CTNNAL1: variants seen among roughly 807,000 people sequenced by gnomAD.
CTNNAL1 encodes the protein catenin alpha like 1, also known as alpha-catulin.
CTNNAL1 carries 69 observed loss-of-function variants against 93.6 expected under a neutral mutation model. That is an observed-to-expected ratio of 0.74 (90% CI 0.61 to 0.90). The LOEUF is 0.90. Among genes scored for constraint, CTNNAL1 ranks in the 40% least tolerant of loss-of-function variants. CTNNAL1 has a pLI of 0.00. For synonymous variants in CTNNAL1, 286 were observed against 305.4 expected, an observed-to-expected ratio of 0.94 and a Z score of 0.66; for missense variants, 836 against 862.0, an observed-to-expected ratio of 0.97 and a Z score of 0.38.
At chr9:108,999,623 C>T (rs1826716223) in intron 1 of CTNNAL1, among the ~76,000 whole-genome samples, 1 of 152,222 alleles carries the variant, frequency 6.6e-6, no homozygotes, top group African/African-American at 2.4e-5. Context: ...ACTACGACTT[C>T]AGATGCTATG....
intron 14 of CTNNAL1, among the ~76,000 whole-genome samples, chr9:108,950,070 A>G (rs2132088904): frequency 6.6e-6 from 1 of 151,862 alleles, no homozygotes; most frequent in African/African-American, 2.4e-5. Flanking sequence ...TGAACCCTTC[A>G]TTTGGGAATA....
intron 11 of CTNNAL1, among the ~76,000 whole-genome samples, chr9:108,959,774 G>A (rs1457012789): frequency 6.6e-6 from 1 of 152,136 alleles, no homozygotes; most frequent in South Asian, 2.1e-4. Context: ...ACGAGGTATT[G>A]TATGTTTAAT....
chr9:108,952,681 G>T (rs1830597226), intron 12 of CTNNAL1, among the ~76,000 whole-genome samples, 187 bp from the exon 13 acceptor site: 1 of 152,172 alleles, frequency 6.6e-6, no homozygotes, highest in Admixed American at 6.5e-5. Context: ...TGAATAGGTT[G>T]TTAGTTTGAA....
chr9:108,954,042 T>C (rs1472039294), intron 12 of CTNNAL1, among the ~76,000 whole-genome samples: 2 of 152,226 alleles, frequency 1.3e-5, no homozygotes, highest in Admixed American at 6.5e-5. Flanking sequence ...CTTTTAAATA[T>C]AGTTGCATTT....
At chr9:108,960,770 C>A (rs1231017996) in intron 11 of CTNNAL1, among the ~76,000 whole-genome samples, 1 of 152,208 alleles carries the variant, frequency 6.6e-6, no homozygotes, top group Non-Finnish European at 1.5e-5. Context: ...TCTAAACTGA[C>A]ACATATTCAC....
chr9:108,991,924 T>C (rs1324939122), intron 3 of CTNNAL1: 12 of 643,510 alleles, frequency 1.9e-5, no homozygotes, highest in Non-Finnish European at 3.1e-5. Flanking sequence ...GATTAACTTC[T>C]GGACTGGAAG....
intron 4 of CTNNAL1, among the ~76,000 whole-genome samples, chr9:108,986,332 C>T (rs1831605943): frequency 6.7e-6 from 1 of 149,858 alleles, no homozygotes; most frequent in Admixed American, 6.7e-5. Flanking sequence ...CCAATTTCAT[C>T]CATGTCCCTA....
At chr9:108,974,904 G>A (rs900171885) in intron 8 of CTNNAL1, among the ~76,000 whole-genome samples, 9 of 152,118 alleles carry the variant, frequency 5.9e-5, no homozygotes, top group African/African-American at 2.2e-4. Context: ...TTAAGCCTGG[G>A]TGCAGTGGCT....
At chr9:108,962,049 G>A (rs1175302850) in intron 11 of CTNNAL1, among the ~76,000 whole-genome samples, 1 of 152,134 alleles carries the variant, frequency 6.6e-6, no homozygotes, top group Non-Finnish European at 1.5e-5. Context: ...TAGAGTATGG[G>A]TAGTTAATAA....
At chr9:108,970,057 A>G (rs1442362334) in intron 10 of CTNNAL1, among the ~76,000 whole-genome samples, 2 of 152,190 alleles carry the variant, frequency 1.3e-5, no homozygotes, top group African/African-American at 4.8e-5. Flanking sequence ...AATGTATTTG[A>G]ATCTTAGGTT....
intron 2 of CTNNAL1, among the ~76,000 whole-genome samples, chr9:108,993,838 C>T (rs1405825285): frequency 6.6e-6 from 1 of 152,196 alleles, no homozygotes; most frequent in Admixed American, 6.5e-5. Context: ...CTATTACATA[C>T]ACACAATAAT....
chr9:108,965,378 C>T lies in CTNNAL1; in HGVS notation c.1591G>A (p.Gly531Arg). Residue 531 changes from glycine to arginine, a missense_variant and splice_region_variant, in exon 11 of 19, where the codon GGA becomes AGA. Coordinates refer to ENST00000325551, the MANE Select transcript of CTNNAL1 (RefSeq NM_003798.4). ...TTTCATTATGTGGACAGTTTCTCACCTCGTCTTCCTTCAAACACGTCATTG... is the reference window on the plus strand; with the variant it reads ...TTTCATTATGTGGACAGTTTCTCACTTCGTCTTCCTTCAAACACGTCATTG... ...EINDVFEGRR[G>R]EKYGYLSLPK... is the part of the protein sequence containing the mutation. 2.1e-6 allele frequency: 3 copies of T among 1,452,650 alleles called. No individual in the cohort carries two copies. In the South Asian group the frequency reaches 4.6e-5, roughly 22 times the overall value. 90.0% of individuals were successfully genotyped at this position (1,452,650 alleles called of 1,614,324 possible). A position where few individuals can be genotyped will look rare whatever the true frequency, so the allele number is the denominator to read the frequency against.
chr9:109,001,172 CAAAAAAAAAAA>C (rs757020475), intron 1 of CTNNAL1, among the ~76,000 whole-genome samples: 2 of 56,800 alleles, frequency 3.5e-5, no homozygotes, highest in Non-Finnish European at 3.3e-5. Flanking sequence ...ACTCCATCTC[CAAAAAAAAAAA>C]AAAAAAAAAA....
Position 108,970,476 on chromosome 9 carries a change from G to A in CTNNAL1, c.1366C>T (p.His456Tyr), listed in dbSNP as rs972285189. The A allele has an allele frequency of 6.2e-7, 1 of 1,611,028 alleles. No homozygotes were observed. The highest frequency in any genetic ancestry group is 8.5e-7 in the Non-Finnish European group (1 of 1,178,826). Residue 456 changes from histidine to tyrosine, a missense_variant, in exon 10 of 19, where the codon CAC becomes TAC. Coordinates refer to ENST00000325551, the MANE Select transcript of CTNNAL1 (RefSeq NM_003798.4). The part of the protein sequence containing the change: ...QLVETCRLLR[H>Y]ISGTEPLEIT... ...TCCAGAGGTTCTGTCCCAGATATGTGTCGTAACAATCGACAGGTCTACAAG... is the reference window on the plus strand; with the variant it reads ...TCCAGAGGTTCTGTCCCAGATATGTATCGTAACAATCGACAGGTCTACAAG...
chr9:109,001,341 G>A (rs1826820688), intron 1 of CTNNAL1, among the ~76,000 whole-genome samples: 2 of 152,130 alleles, frequency 1.3e-5, no homozygotes, highest in Non-Finnish European at 1.5e-5. Context: ...TGAAATCACT[G>A]AAGGTTTTTT....
intron 8 of CTNNAL1, 30 bp from the exon 9 acceptor site, chr9:108,972,863 G>GGGGGGGGGA: frequency 4.3e-6 from 1 of 231,688 alleles, no homozygotes; most frequent in South Asian, 5.4e-5. Flanking sequence ...TGGGGGGGTG[G>GGGGGGGGGA]GAGGGTGGAG....
intron 2 of CTNNAL1, 30 bp downstream of exon 2, chr9:108,999,037 G>T (rs1310735384): frequency 6.3e-7 from 1 of 1,575,342 alleles, no homozygotes; most frequent in Admixed American, 1.9e-5. Context: ...AAAGTGGTAT[G>T]AATAGTCTTC....
chr9:109,004,765 G>A (rs1400711329), intron 1 of CTNNAL1, among the ~76,000 whole-genome samples: 1 of 151,704 alleles, frequency 6.6e-6, no homozygotes, highest in Non-Finnish European at 1.5e-5. Flanking sequence ...CAGCCCGGGT[G>A]ACAGAGCGAG....
At chr9:109,008,152 C>CTTTT (rs149753320) in intron 1 of CTNNAL1, among the ~76,000 whole-genome samples, 2,302 of 85,026 alleles carry the variant, frequency 0.027, 2 homozygotes, top group Middle Eastern at 0.042. Flanking sequence ...ATCCATCTTT[C>CTTTT]TTTTTTTTTT....
Sources: gnomAD v4.1 joint callset for allele counts (sites outside exome capture counted in the v4.1 genomes callset) on GRCh38, gnomAD v4.1.1 for gene constraint, MANE v1.5 for transcripts, NCBI Gene and HGNC (gene_info 2026-07-23, HGNC 2026-07-21) for gene names.